Variants in RRN3 observed in about 807,000 individuals in gnomAD.
RRN3 encodes the protein RNA polymerase I-specific transcription initiation factor RRN3.
A neutral mutation model predicts 82.3 loss-of-function variants in RRN3; 38 were observed. The ratio of observed to expected loss-of-function variants is 0.46; its 90% confidence interval spans 0.36 to 0.61. The LOEUF (loss-of-function observed/expected upper bound fraction) is 0.61. Among genes scored for constraint, RRN3 ranks in the 20% least tolerant of loss-of-function variants. The pLI is 0.00. For missense variants in RRN3, 726 were observed against 793.1 expected, an observed-to-expected ratio of 0.92 and a Z score of 1.02; for synonymous variants, 284 against 284.3, an observed-to-expected ratio of 1.00 and a Z score of 0.01.
At chr16:15,073,589 C>CTG (rs949112494) in intron 11 of RRN3, among the ~76,000 whole-genome samples, 1 of 152,204 alleles carries the variant, frequency 6.6e-6, no homozygotes, top group Non-Finnish European at 1.5e-5. Context: ...ACCTCACACA[C>CTG]TGTGGCAAGG....
In RRN3 at chr16:15,071,263, G is replaced by C. The variant is rs1266110110; in HGVS notation, c.1129-12C>G. The C allele has an allele frequency of 5.0e-6, 8 of 1,597,644 alleles. No individual in the cohort carries two copies. Among genetic ancestry groups the C allele is most frequent in the Non-Finnish European group, 6.8e-6 (8 of 1,174,038 alleles). Reference sequence around the variant, plus strand: ...GCCTCTGCGAATCCCTATAAAAAGAGAGGGCGTCGGTGTGATCTTTTTTAA... The same window carrying C: ...GCCTCTGCGAATCCCTATAAAAAGACAGGGCGTCGGTGTGATCTTTTTTAA... On this transcript the variant is annotated splice_polypyrimidine_tract_variant and intron_variant, in intron 12 of 17. Coordinates refer to ENST00000198767, the MANE Select transcript of RRN3 (RefSeq NM_018427.5).
At chr16:15,075,631 T>C (rs534798604) in intron 10 of RRN3, among the ~76,000 whole-genome samples, 25 of 152,120 alleles carry the variant, frequency 1.6e-4, no homozygotes, top group Non-Finnish European at 3.2e-4. Context: ...GGCAGGGGTC[T>C]CATTCAGGGA....
At chr16:15,076,386 A>C (rs1250965101) in intron 10 of RRN3, 172 bp downstream of exon 10, 1 of 634,846 alleles carries the variant, frequency 1.6e-6, no homozygotes, top group Non-Finnish European at 2.9e-6. Context: ...TAGACCAACT[A>C]TGCTAAGTGC....
chr16:15,063,095 G>A (rs766152404), intron 17 of RRN3, 101 bp downstream of exon 17: 58 of 879,632 alleles, frequency 6.6e-5, no homozygotes, highest in Admixed American at 5.5e-4. Context: ...CCCCTAAAGT[G>A]CGGGGATTAC....
At chr16:15,070,968 C>T (rs2045199667) in intron 13 of RRN3, among the ~76,000 whole-genome samples, 153 bp downstream of exon 13, 1 of 152,106 alleles carries the variant, frequency 6.6e-6, no homozygotes, top group African/African-American at 2.4e-5. Flanking sequence ...TCTAAAATCA[C>T]CACTTAGAAA....
At chr16:15,063,116 G>A (rs991460951) in intron 17 of RRN3, 80 bp downstream of exon 17, 6 of 1,096,962 alleles carry the variant, frequency 5.5e-6, no homozygotes, top group Middle Eastern at 2.3e-4. Context: ...ACGCACGAAC[G>A]ACTTGCCACT....
At position 15,070,140 on chromosome 16, in the gene RRN3, T is replaced by C. The variant is rs1267328828; in HGVS notation, c.1374A>G (p.Ser458=). 6.2e-7 allele frequency: 1 copy of C among 1,606,072 alleles called. No individual in the cohort carries two copies. The highest frequency in any genetic ancestry group is 1.3e-5 in the African/African-American group (1 of 74,178). ...CDVALHGPFY[S]ACQAVFYTFV... ...AGGTGTAGAACACAGCTTGGCAGGC[T>C]GAGTAAAATGGTCCATGGAGAGCAA... The change falls in exon 14 of 18, where the codon TCA becomes TCG. Residue 458 remains serine, a synonymous_variant. Transcript: ENST00000198767.
rs371873292 is a variant in RRN3, at chr16:15,063,165, C to T, written c.1794+31G>A. The T allele has an allele frequency of 2.2e-3, 3,106 of 1,432,116 alleles. 8 individuals are homozygous for T. Among genetic ancestry groups the T allele is most frequent in the Non-Finnish European group, 2.8e-3 (2,822 of 1,013,922 alleles). The allele number at this position is 1,432,116 out of a possible 1,614,324, so 88.7% of individuals were successfully genotyped here. A position where few individuals can be genotyped will look rare whatever the true frequency, so the allele number is the denominator to read the frequency against. ...TGACCTGGAACCAGAAAGGAGATTCCGAGAGTGTGCTCAATCAATCACAAA... is the reference window on the plus strand; with the variant it reads ...TGACCTGGAACCAGAAAGGAGATTCTGAGAGTGTGCTCAATCAATCACAAA... On this transcript the variant is annotated intron_variant, in intron 17 of 17. Coordinates refer to ENST00000198767, the MANE Select transcript of RRN3 (RefSeq NM_018427.5).
intron 1 of RRN3, 121 bp from the exon 2 acceptor site, chr16:15,092,735 C>A: frequency 3.0e-6 from 2 of 665,038 alleles, no homozygotes; most frequent in Non-Finnish European, 5.3e-6. Context: ...TACTGGTCTC[C>A]CTGCTTCCAC....
chr16:15,079,623 C>A (rs531748907), intron 9 of RRN3, among the ~76,000 whole-genome samples: 8 of 150,284 alleles, frequency 5.3e-5, no homozygotes, highest in African/African-American at 9.8e-5. Context: ...GATGGAGTCT[C>A]GCTCTGTCGC....
chr16:15,066,541 G>A (rs1470923907), intron 15 of RRN3, among the ~76,000 whole-genome samples: 1 of 151,992 alleles, frequency 6.6e-6, no homozygotes, highest in South Asian at 2.1e-4. Flanking sequence ...GCTGAGGCAG[G>A]AGAACTGCAT....
intron 12 of RRN3, among the ~76,000 whole-genome samples, chr16:15,071,724 T>C (rs1333501108): frequency 2.6e-5 from 4 of 152,104 alleles, no homozygotes; most frequent in Non-Finnish European, 2.9e-5. Context: ...GCTGAGATCA[T>C]GCCACTACAC....
intron 3 of RRN3, among the ~76,000 whole-genome samples, chr16:15,090,874 T>A (rs1253269035): frequency 2.8e-5 from 1 of 35,654 alleles, no homozygotes; most frequent in Non-Finnish European, 1.0e-4. Flanking sequence ...CAGTGGTTTG[T>A]TTTTTTTTTT....
At chr16:15,079,150 G>T (rs1481444663) in intron 9 of RRN3, among the ~76,000 whole-genome samples, 2 of 136,094 alleles carry the variant, frequency 1.5e-5, no homozygotes, top group Non-Finnish European at 3.2e-5. Flanking sequence ...GCAACACCAA[G>T]ATTCAATTCC....
intron 11 of RRN3, among the ~76,000 whole-genome samples, chr16:15,073,948 C>G (rs1466514367): frequency 6.6e-6 from 1 of 152,074 alleles, no homozygotes; most frequent in African/African-American, 2.4e-5. Context: ...TCTTCAGCAT[C>G]CATGTAAAGG....
chr16:15,070,549 T>C (rs1162651699), intron 13 of RRN3, among the ~76,000 whole-genome samples: 1 of 152,082 alleles, frequency 6.6e-6, no homozygotes, highest in Non-Finnish European at 1.5e-5. Flanking sequence ...AAGGCACCCC[T>C]CTTAAGGTGA....
chr16:15,084,132 A>T (rs2045818490), intron 7 of RRN3, among the ~76,000 whole-genome samples: 1 of 152,256 alleles, frequency 6.6e-6, no homozygotes, highest in African/African-American at 2.4e-5. Context: ...TCTCCCACAG[A>T]AACATAACAG....
At chr16:15,072,139 G>A (rs2045259250) in intron 12 of RRN3, among the ~76,000 whole-genome samples, 1 of 151,904 alleles carries the variant, frequency 6.6e-6, no homozygotes, top group Non-Finnish European at 1.5e-5. Context: ...ACCCATGTGG[G>A]CAGACTGAAT....
Position 15,066,709 on chromosome 16 carries a change from A to G in RRN3, c.1554-1338T>C, listed in dbSNP as rs1377045986. ...ACTCAATAAAAAAGATTCCCAGAAC[A>G]TAACACAGCAGTTAAAATCAAAATA... On this transcript the variant is annotated intron_variant, in intron 15 of 17. Coordinates refer to ENST00000198767, the MANE Select transcript of RRN3 (RefSeq NM_018427.5). 2.6e-5 allele frequency among the ~76,000 whole-genome samples: 4 copies of G among 151,742 alleles called. No individual in the cohort carries two copies. In the East Asian group the frequency reaches 7.7e-4, roughly 29 times the overall value.
Sources: gnomAD v4.1 joint callset for allele counts (sites outside exome capture counted in the v4.1 genomes callset) on GRCh38, gnomAD v4.1.1 for gene constraint, MANE v1.5 for transcripts, NCBI Gene and HGNC (gene_info 2026-07-23, HGNC 2026-07-21) for gene names.